Variants in CWF19L2 observed in about 807,000 individuals in gnomAD.
CWF19L2 encodes CWF19 like cell cycle control factor 2.
A neutral mutation model predicts 111.7 loss-of-function variants in CWF19L2; 98 were observed. That is an observed-to-expected ratio of 0.88 (90% confidence interval 0.75 to 1.04). The LOEUF is 1.04. Ranked by LOEUF, CWF19L2 falls within the 50% of genes least tolerant of loss-of-function variation. The probability of loss-of-function intolerance (pLI) is 0.00; values close to 1 mark genes in which losing one functional copy is unlikely to be tolerated. For synonymous variants in CWF19L2, 351 were observed against 342.9 expected (o/e 1.02, Z -0.26); for missense variants, 1,101 against 1,051.4 (o/e 1.05, Z -0.65).
chr11:107,422,944 A>G (rs1861322246), intron 8 of CWF19L2, among the ~76,000 whole-genome samples: 1 of 152,012 alleles, frequency 6.6e-6, no homozygotes, highest in Admixed American at 6.6e-5. Context: ...TAAGAAATCT[A>G]AAATATTTGA....
chr11:107,455,452 C>T (rs981761127), intron 2 of CWF19L2, among the ~76,000 whole-genome samples: 2 of 152,108 alleles, frequency 1.3e-5, no homozygotes, highest in Non-Finnish European at 2.9e-5. Context: ...CTTCTACTAG[C>T]CAAACTCAAA....
At chr11:107,328,673 A>G (rs1859799153) in intron 17 of CWF19L2, among the ~76,000 whole-genome samples, 1 of 152,214 alleles carries the variant, frequency 6.6e-6, no homozygotes, top group Non-Finnish European at 1.5e-5. Context: ...AATATATACA[A>G]CTTTTTAAAA....
intron 10 of CWF19L2, among the ~76,000 whole-genome samples, chr11:107,405,502 C>T (rs1162897585): frequency 6.6e-6 from 1 of 152,094 alleles, no homozygotes; most frequent in Non-Finnish European, 1.5e-5. Context: ...ACCTGGTACT[C>T]TTATTTTGTT....
At chr11:107,360,679 C>G (rs1860314508) in intron 12 of CWF19L2, among the ~76,000 whole-genome samples, 1 of 152,202 alleles carries the variant, frequency 6.6e-6, no homozygotes, top group African/African-American at 2.4e-5. Flanking sequence ...AGTAGCCATT[C>G]TGGCTGGGGT....
chr11:107,334,153 G>A (rs895983881), intron 16 of CWF19L2, among the ~76,000 whole-genome samples: 2 of 152,144 alleles, frequency 1.3e-5, no homozygotes, highest in Non-Finnish European at 2.9e-5. Flanking sequence ...AAAGCATCTT[G>A]AACAATGCCT....
intron 12 of CWF19L2, among the ~76,000 whole-genome samples, chr11:107,368,461 A>AT (rs932214355): frequency 7.2e-6 from 1 of 138,252 alleles, no homozygotes; most frequent in African/African-American, 2.9e-5. Context: ...AGATTCTTCT[A>AT]TTTTGAAAAT....
intron 8 of CWF19L2, among the ~76,000 whole-genome samples, chr11:107,424,272 G>C (rs1239491896): frequency 6.6e-6 from 1 of 150,900 alleles, no homozygotes; most frequent in Non-Finnish European, 1.5e-5. Context: ...CTAACCTCAG[G>C]GATCTTGCTC....
intron 10 of CWF19L2, among the ~76,000 whole-genome samples, chr11:107,400,681 T>C (rs750023142): frequency 5.3e-5 from 8 of 152,080 alleles, no homozygotes; most frequent in African/African-American, 1.7e-4. Context: ...TTTCACAAGA[T>C]AGAGAAAGAA....
intron 7 of CWF19L2, among the ~76,000 whole-genome samples, chr11:107,432,162 G>A (rs1014943537): frequency 1.2e-4 from 18 of 152,114 alleles, no homozygotes; most frequent in African/African-American, 2.9e-4. Context: ...ACATCAAGCC[G>A]AGGGGGAGAA....
chr11:107,454,060 C>A (rs1012463519), intron 3 of CWF19L2, among the ~76,000 whole-genome samples: 3 of 152,150 alleles, frequency 2.0e-5, no homozygotes, highest in Non-Finnish European at 4.4e-5. Context: ...ACCTCTGGAC[C>A]CACCCTCAGG....
intron 10 of CWF19L2, among the ~76,000 whole-genome samples, chr11:107,393,827 G>T (rs1383790181): frequency 6.6e-6 from 1 of 152,058 alleles, no homozygotes; most frequent in Non-Finnish European, 1.5e-5. Context: ...ACTAAACAAT[G>T]GGTACACATG....
chr11:107,372,213 C>G (rs1385252250), intron 12 of CWF19L2, among the ~76,000 whole-genome samples: 1 of 134,978 alleles, frequency 7.4e-6, no homozygotes, highest in Admixed American at 7.3e-5. Flanking sequence ...AAGCATTACT[C>G]AAAGAACTGT....
chr11:107,387,985 T>C (rs1266693636), intron 12 of CWF19L2, among the ~76,000 whole-genome samples: 4 of 152,306 alleles, frequency 2.6e-5, no homozygotes, highest in South Asian at 2.1e-4. Flanking sequence ...ACTTGTCTTT[T>C]TGCAGTCTCT....
chr11:107,359,915 C>T (rs1860297897), intron 12 of CWF19L2, among the ~76,000 whole-genome samples: 1 of 152,198 alleles, frequency 6.6e-6, no homozygotes, highest in South Asian at 2.1e-4. Context: ...CTATCAAGGG[C>T]AAATTGGATT....
intron 7 of CWF19L2, among the ~76,000 whole-genome samples, chr11:107,429,806 C>CAAA (rs33980353): frequency 1.6e-4 from 17 of 105,696 alleles, no homozygotes; most frequent in East Asian, 8.3e-4. Flanking sequence ...AGATTCTCAC[C>CAAA]AAAAAAAAAA....
At chr11:107,335,917 G>T (rs1859916486) in intron 15 of CWF19L2, among the ~76,000 whole-genome samples, 1 of 152,068 alleles carries the variant, frequency 6.6e-6, no homozygotes, top group South Asian at 2.1e-4. Context: ...CATCTTCAAT[G>T]ATCACATAAA....
intron 4 of CWF19L2, among the ~76,000 whole-genome samples, 200 bp downstream of exon 4, chr11:107,442,731 AAAGAAAGG>A (rs1376930845): frequency 4.0e-4 from 42 of 106,196 alleles, no homozygotes; most frequent in African/African-American, 1.2e-3. Flanking sequence ...AAAGAGAAAG[AAAGAAAGG>A]AAGGAAGGAA....
At chr11:107,381,749 G>T (rs1235845587) in intron 12 of CWF19L2, among the ~76,000 whole-genome samples, 1 of 152,008 alleles carries the variant, frequency 6.6e-6, no homozygotes, top group Non-Finnish European at 1.5e-5. Flanking sequence ...AAAAAGTAGA[G>T]GATTTCAAGT....
intron 5 of CWF19L2, 110 bp downstream of exon 5, chr11:107,441,393 A>T: frequency 1.1e-6 from 1 of 912,524 alleles, no homozygotes; most frequent in Non-Finnish European, 1.5e-6. Flanking sequence ...TGTATTAAAT[A>T]CTATAAAAAA....
Sources: allele counts gnomAD v4.1 joint callset (sites outside exome capture counted in the v4.1 genomes callset), GRCh38; gene constraint gnomAD v4.1.1; transcripts MANE v1.5; gene names NCBI Gene and HGNC (gene_info 2026-07-23, HGNC 2026-07-21).